ZNF91: variants seen among roughly 807,000 people sequenced by gnomAD.
ZNF91 encodes the protein zinc finger protein 91.
ZNF91 carries 7 observed loss-of-function variants against 12.6 expected under a neutral mutation model. That is an observed-to-expected ratio of 0.55 (90% CI 0.31 to 1.04). ZNF91 has a LOEUF of 1.04. Among genes scored for constraint, ZNF91 ranks in the 50% least tolerant of loss-of-function variants. The pLI is 0.05. For synonymous variants in ZNF91, 453 were observed against 462.6 expected, an observed-to-expected ratio of 0.98 and a Z score of 0.27; for missense variants, 1,217 against 1,385.4, an observed-to-expected ratio of 0.88 and a Z score of 1.93.
At chr19:23,342,513 T>C (rs1381952332) in intron 3 of ZNF91, among the ~76,000 whole-genome samples, 1 of 149,840 alleles carries the variant, frequency 6.7e-6, no homozygotes, top group Admixed American at 6.7e-5. Context: ...CAACAGTATT[T>C]AATGCCACTG....
chr19:23,354,274 A>G, downstream of ZNF91, among the ~76,000 whole-genome samples: 1 of 152,214 alleles, frequency 6.6e-6, no homozygotes, highest in East Asian at 1.9e-4. Context: ...CACCATGATC[A>G]AGCTGATTTC....
downstream of ZNF91, among the ~76,000 whole-genome samples, chr19:23,353,136 C>A (rs1237737728): frequency 6.6e-6 from 1 of 152,170 alleles, no homozygotes. Flanking sequence ...AACATTTCAT[C>A]CAACAACCGC....
intron 1 of ZNF91, among the ~76,000 whole-genome samples, chr19:23,323,260 GTTCC>G (rs1967749792): frequency 8.0e-6 from 1 of 124,700 alleles, no homozygotes; most frequent in Admixed American, 8.1e-5. Context: ...CTCTCCTCCT[GTTCC>G]TTTTCTTCTT....
intron 3 of ZNF91, among the ~76,000 whole-genome samples, chr19:23,364,614 A>G (rs1968930343): frequency 6.6e-6 from 1 of 152,160 alleles, no homozygotes; most frequent in Non-Finnish European, 1.5e-5. Flanking sequence ...AATAATAATA[A>G]CTAAAAGTAC....
chr19:23,390,351 G>A (rs1403189797), intron 1 of ZNF91, among the ~76,000 whole-genome samples: 1 of 152,106 alleles, frequency 6.6e-6, no homozygotes, highest in African/African-American at 2.4e-5. Flanking sequence ...ACAAAGTCAT[G>A]TGAAAAAAAT....
chr19:23,345,422 T>C (rs953353060), intron 3 of ZNF91, among the ~76,000 whole-genome samples: 3 of 152,188 alleles, frequency 2.0e-5, no homozygotes, highest in Non-Finnish European at 4.4e-5. Context: ...AAACGGAACA[T>C]TGGACTTTAC....
Position 23,359,298 on chromosome 19 carries a change from C to G in ZNF91, c.*105G>C, listed in dbSNP as rs556172275. ...AGTGCAGTGGCGTGATCTCGGCTCA[C>G]TGCAAGCTCCGCCTCCCGGGTTCAC... On this transcript the variant is annotated 3_prime_UTR_variant, in exon 4 of 4. Transcript: ENST00000300619. 3.7e-5 allele frequency: 19 copies of G among 509,894 alleles called. 1 individual carries two copies. In the South Asian group the frequency reaches 4.0e-4, roughly 11 times the overall value. 31.6% of individuals were successfully genotyped at this position (509,894 alleles called of 1,614,324 possible). A position where few individuals can be genotyped will look rare whatever the true frequency, so the allele number is the denominator to read the frequency against.
At chr19:23,322,460 C>T (rs1179863334) in intron 1 of ZNF91, among the ~76,000 whole-genome samples, 1 of 152,184 alleles carries the variant, frequency 6.6e-6, no homozygotes, top group Non-Finnish European at 1.5e-5. Context: ...AAAACCAAAA[C>T]AATGCAACTG....
Position 23,362,737 on chromosome 19 carries a change from A to G in ZNF91, c.254-12T>C. 1 of 1,432,944 alleles carries G rather than the reference A, an allele frequency of 7.0e-7. No individual in the cohort carries two copies. The highest frequency in any genetic ancestry group is 9.2e-7 in the Non-Finnish European group (1 of 1,092,642). 88.8% of individuals were successfully genotyped at this position (1,432,944 alleles called of 1,614,324 possible). On this transcript the variant is annotated splice_polypyrimidine_tract_variant and intron_variant, in intron 3 of 3. Transcript: ENST00000300619. Reference sequence around the variant, plus strand: ...ATGAGGACATATACCTGAAAAAAAAAAACTAAAAATAATAAATTACTCCAC... The same window carrying G: ...ATGAGGACATATACCTGAAAAAAAAGAACTAAAAATAATAAATTACTCCAC...
intron 3 of ZNF91, among the ~76,000 whole-genome samples, chr19:23,369,419 C>G (rs1969174069): frequency 2.0e-5 from 3 of 151,718 alleles, no homozygotes; most frequent in Admixed American, 2.0e-4. Flanking sequence ...GCTGCCCCGT[C>G]CGGGAGGTGG....
intron 3 of ZNF91, among the ~76,000 whole-genome samples, chr19:23,352,052 C>G (rs946384607): frequency 1.3e-5 from 2 of 152,182 alleles, no homozygotes; most frequent in African/African-American, 4.8e-5. Context: ...GGCCAGAACC[C>G]AGGGGAAGGC....
At chr19:23,318,368 A>G (rs1361041928) in intron 1 of ZNF91, among the ~76,000 whole-genome samples, 1 of 152,040 alleles carries the variant, frequency 6.6e-6, no homozygotes, top group African/African-American at 2.4e-5. Context: ...CACAGGGGAT[A>G]TTGTGACTCA....
chr19:23,374,663 C>T lies in ZNF91; in HGVS notation c.132G>A (p.Glu44=), dbSNP rs1249631793. ...QQNLYRNVML[E]NYRNLAFLGI... ...CCAGGAAGGCCAGGTTTCTGTAGTTCTCTAACATCACATTCCTATATAAAT... is the reference window on the plus strand; with the variant it reads ...CCAGGAAGGCCAGGTTTCTGTAGTTTTCTAACATCACATTCCTATATAAAT... The change falls in exon 2 of 4, where the codon GAG becomes GAA. Residue 44 remains glutamate (E), a synonymous_variant. Transcript: ENST00000300619. 6.2e-7 allele frequency: 1 copy of T among 1,605,302 alleles called. No individual in the cohort carries two copies. Among genetic ancestry groups the T allele is most frequent in the East Asian group, 2.2e-5 (1 of 44,446 alleles).
At chr19:23,318,612 A>T (rs1313509776) in intron 1 of ZNF91, among the ~76,000 whole-genome samples, 2 of 151,918 alleles carry the variant, frequency 1.3e-5, no homozygotes, top group Non-Finnish European at 2.9e-5. Flanking sequence ...AAGTTCATGA[A>T]CTATTTGATG....
chr19:23,364,795 T>TA (rs945068344), intron 3 of ZNF91, among the ~76,000 whole-genome samples: 3 of 152,062 alleles, frequency 2.0e-5, no homozygotes, highest in African/African-American at 7.2e-5. Flanking sequence ...ATACAAGTTA[T>TA]AAAAAATACA....
chr19:23,359,363 C>T lies in ZNF91; in HGVS notation c.*40G>A. 1 of 692,116 alleles carries T rather than the reference C, an allele frequency of 1.4e-6. No individual in the cohort carries two copies. The allele number at this position is 692,116 out of a possible 1,614,324, so 42.9% of individuals were successfully genotyped here. ...TCAGCCTCTCGCATAGCTGGGACTA[C>T]AGGCGCCCGCCACCACGCCCGGCTA... On this transcript the variant is annotated 3_prime_UTR_variant, in exon 4 of 4. Transcript: ENST00000300619.
chr19:23,350,817 G>A (rs995876182), intron 3 of ZNF91, among the ~76,000 whole-genome samples: 14 of 151,948 alleles, frequency 9.2e-5, no homozygotes, highest in Admixed American at 5.9e-4. Flanking sequence ...CGTCAGACTG[G>A]GACACTTCCT....
rs1353077036 is a variant in ZNF91 at position 23,318,215 on chromosome 19, C to T, written n.117-9118G>A. Among the ~76,000 whole-genome samples the T allele has an allele frequency of 2.6e-5, 4 of 152,172 alleles. No individual in the cohort carries two copies. The East Asian group carries it at 7.7e-4, about 29-fold the overall frequency. ...TGTGATTCTCCTGTCTGTACCCTGCCCACATGGCCCATTGTGATATATTAC... is the reference window on the plus strand; with the variant it reads ...TGTGATTCTCCTGTCTGTACCCTGCTCACATGGCCCATTGTGATATATTAC... On this transcript the variant is annotated intron_variant and non_coding_transcript_variant, in intron 1 of 1. Coordinates refer to the ZNF91 transcript ENST00000596528.
intron 1 of ZNF91, among the ~76,000 whole-genome samples, chr19:23,379,223 A>G (rs1423085666): frequency 6.6e-6 from 1 of 152,198 alleles, no homozygotes; most frequent in Non-Finnish European, 1.5e-5. Context: ...CAGAGACACA[A>G]TTCTGCCTGC....
Sources: gnomAD v4.1 joint callset for allele counts (sites outside exome capture counted in the v4.1 genomes callset) on GRCh38, gnomAD v4.1.1 for gene constraint, MANE v1.5 for transcripts, NCBI Gene and HGNC (gene_info 2026-07-23, HGNC 2026-07-21) for gene names.